Variants in LCN8 observed in about 807,000 individuals in gnomAD.
LCN8 encodes epididymal-specific lipocalin-8.
In LCN8, 16 loss-of-function variants were observed where a neutral mutation model predicts 22.8. The observed-to-expected ratio is 0.70, with a 90% confidence interval of 0.47 to 1.06. The LOEUF (loss-of-function observed/expected upper bound fraction) is 1.06, where lower values mean the gene tolerates loss of function less well. Ranked by LOEUF, LCN8 falls within the 50% of genes least tolerant of loss-of-function variation. The pLI is 0.00. For missense variants in LCN8, 189 were observed against 203.3 expected (o/e 0.93, Z 0.43); for synonymous variants, 92 against 83.4 (o/e 1.10, Z -0.56).
chr9:136,754,596 T>C (rs1412269264), intron 6 of LCN8, 87 bp from the exon 7 acceptor site: 2 of 1,504,468 alleles, frequency 1.3e-6, no homozygotes, highest in Non-Finnish European at 1.8e-6. Flanking sequence ...GCGGGACTTC[T>C]GTCCTCGCTG....
chr9:136,755,086 C>T lies in LCN8; in HGVS notation c.447+49G>A, dbSNP rs542199747. The T allele has an allele frequency of 7.5e-6, 11 of 1,473,650 alleles. No homozygotes were observed. In the African/African-American group the frequency reaches 1.1e-4, roughly 15 times the overall value. 91.3% of individuals were successfully genotyped at this position (1,473,650 alleles called of 1,614,324 possible). A position where few individuals can be genotyped will look rare whatever the true frequency, so the allele number is the denominator to read the frequency against. On this transcript the variant is annotated intron_variant, in intron 6 of 6. Coordinates refer to ENST00000371688, the MANE Select transcript of LCN8 (RefSeq NM_178469.4). ...CTCCTGACAGGGCCAGGGACTGGGC[C>T]AGGGGCCCGGGAACTTCAGCACAGG...
intron 6 of LCN8, 27 bp downstream of exon 6, chr9:136,755,108 C>T (rs1487454664): frequency 6.6e-7 from 1 of 1,514,280 alleles, no homozygotes. Flanking sequence ...AACTTCAGCA[C>T]AGGCCAGGGT....
rs749556898 is a variant in LCN8, at chr9:136,755,911, G to C, written c.227-395C>G. 1.1e-5 allele frequency: 14 copies of C among 1,297,188 alleles called. No individual in the cohort carries two copies. In the African/African-American group the frequency reaches 1.8e-4, roughly 17 times the overall value. The allele number at this position is 1,297,188 out of a possible 1,614,324, so 80.4% of individuals were successfully genotyped here. A position where few individuals can be genotyped will look rare whatever the true frequency, so the allele number is the denominator to read the frequency against. ...AGTGCAGGGAGCAGTGCGGGGAACA[G>C]TGCAGGGAGCATTGCAGGGAACAGC... On this transcript the variant is annotated intron_variant, in intron 3 of 6. Transcript: ENST00000371688.
chr9:136,757,259 G>C, intron 1 of LCN8, 91 bp from the exon 2 acceptor site: 1 of 1,530,364 alleles, frequency 6.5e-7, no homozygotes, highest in East Asian at 2.4e-5. Context: ...GGCCTGCTGG[G>C]CTCTGAGAGG....
At chr9:136,756,966 G>T in intron 2 of LCN8, 72 bp downstream of exon 2, 1 of 1,513,344 alleles carries the variant, frequency 6.6e-7, no homozygotes, top group Non-Finnish European at 9.0e-7. Flanking sequence ...ACGCTGCAGC[G>T]GGTGCAGCAA....
At chr9:136,755,890 C>G (rs1847179356) in intron 3 of LCN8, 1 of 1,291,142 alleles carries the variant, frequency 7.7e-7, no homozygotes, top group Non-Finnish European at 1.0e-6. Flanking sequence ...GGGAATAGTG[C>G]AGGGAGCAGT....
At chr9:136,757,439 T>C in intron 1 of LCN8, 1 of 1,374,864 alleles carries the variant, frequency 7.3e-7, no homozygotes, top group Non-Finnish European at 9.4e-7. Context: ...CCCTAGGGCT[T>C]CTGCGACATG....
At chr9:136,757,396 T>C in intron 1 of LCN8, 1 of 1,419,074 alleles carries the variant, frequency 7.0e-7, no homozygotes, top group African/African-American at 1.4e-5. Flanking sequence ...GGGCAGCCCC[T>C]CCCCACTGGG....
intron 6 of LCN8, chr9:136,754,778 C>A (rs915245998): frequency 6.0e-5 from 83 of 1,374,214 alleles, no homozygotes; most frequent in Non-Finnish European, 7.5e-5. Flanking sequence ...TGCCCCGCCG[C>A]CGACGGGACC....
intron 3 of LCN8, 198 bp from the exon 4 acceptor site, chr9:136,755,714 G>A (rs1847168718): frequency 6.6e-7 from 1 of 1,521,274 alleles, no homozygotes; most frequent in Non-Finnish European, 8.8e-7. Context: ...AAATGTGCAG[G>A]GAACAGCATG....
Position 136,754,430 on chromosome 9 carries a change from G to A in LCN8, c.*68C>T. Reference sequence around the variant, plus strand: ...AGAGCAGGTGCAGGTGACCTGGTGGGCAGGGTGCCCAGGAGGGGCAGGGGT... The same window carrying A: ...AGAGCAGGTGCAGGTGACCTGGTGGACAGGGTGCCCAGGAGGGGCAGGGGT... On this transcript the variant is annotated 3_prime_UTR_variant, in exon 7 of 7. Coordinates refer to ENST00000371688, the MANE Select transcript of LCN8 (RefSeq NM_178469.4). 1 of 1,546,670 alleles carries A rather than the reference G, an allele frequency of 6.5e-7. No individual in the cohort carries two copies. Among genetic ancestry groups the A allele is most frequent in the Non-Finnish European group, 8.7e-7 (1 of 1,145,968 alleles).
At chr9:136,754,721 T>C in intron 6 of LCN8, 3 of 1,407,266 alleles carry the variant, frequency 2.1e-6, no homozygotes, top group Non-Finnish European at 2.8e-6. Context: ...CACTGGGTTC[T>C]CGCAGTGCCC....
At chr9:136,757,330 C>T in intron 1 of LCN8, 162 bp from the exon 2 acceptor site, 3 of 1,452,292 alleles carry the variant, frequency 2.1e-6, no homozygotes, top group Non-Finnish European at 2.7e-6. Flanking sequence ...CCCACTGTCC[C>T]CAGGCATGTG....
chr9:136,758,231 AGCGGTGGACGCTGCTGG>A (rs1847255769), exon 1 of LCN8: 1 of 1,325,072 alleles, frequency 7.5e-7, no homozygotes, highest in African/African-American at 1.5e-5. Flanking sequence ...GCATATGGAC[AGCGGTGGACGCTGCTGG>A]GGCCGTCTCG....
chr9:136,758,125 T>C lies in LCN8; in HGVS notation c.-195A>G. The C allele has an allele frequency of 6.9e-7, 1 of 1,452,700 alleles. No homozygotes were observed. Among genetic ancestry groups the C allele is most frequent in the Non-Finnish European group, 9.1e-7 (1 of 1,101,736 alleles). 90.0% of individuals were successfully genotyped at this position (1,452,700 alleles called of 1,614,324 possible). A position where few individuals can be genotyped will look rare whatever the true frequency, so the allele number is the denominator to read the frequency against. ...CTTGGCTGCTGGCAGCTCAGAGACG[T>C]GGGTTTCTGCACAAGCGCCATCGGC... On this transcript the variant is annotated 5_prime_UTR_variant, in exon 1 of 7. Coordinates refer to ENST00000371688, the MANE Select transcript of LCN8 (RefSeq NM_178469.4).
rs1456035974 is a variant in LCN8, at chr9:136,755,267, C to T, written c.398G>A (p.Gly133Asp). 3.1e-6 allele frequency: 5 copies of T among 1,612,270 alleles called. No homozygotes were observed. Among genetic ancestry groups the T allele is most frequent in the Non-Finnish European group, 4.2e-6 (5 of 1,179,994 alleles). Residue 133 changes from glycine (G) to aspartate (D), a missense_variant, in exon 5 of 7, where the codon GGT (glycine) becomes GAT (aspartate). Gly to Asp is a moderately conservative substitution (Grantham distance 94). Transcript: ENST00000371688. Reference protein sequence around the residue: ...WKFRELTADTGLYLAARPGRC... With the variant: ...WKFRELTADTDLYLAARPGRC... ...ACCAGGCCGGGCCGCCAGGTAGAGA[C>T]CAGTGTCTGCTGTCAGCTCCCGAAA...
chr9:136,756,663 T>C, intron 2 of LCN8, 71 bp from the exon 3 acceptor site: 1 of 1,583,250 alleles, frequency 6.3e-7, no homozygotes, highest in East Asian at 2.2e-5. Context: ...CTTCCCGGAG[T>C]GGGGCTGTGT....
At position 136,758,214 on chromosome 9, in the gene LCN8, C is replaced by A; in HGVS notation, c.-284G>T. The A allele has an allele frequency of 7.2e-7, 1 of 1,379,390 alleles. No individual in the cohort carries two copies. 85.4% of individuals were successfully genotyped at this position (1,379,390 alleles called of 1,614,324 possible). ...CCTAGACAGCAGCCTGCCCAGCCAC[C>A]CTCCTGGCATATGGACAGCGGTGGA... is the stretch of plus-strand genomic sequence containing the variant. On this transcript the variant is annotated 5_prime_UTR_variant, in exon 1 of 7. Transcript: ENST00000371688.
At chr9:136,754,608 C>T in intron 6 of LCN8, 99 bp from the exon 7 acceptor site, 1 of 1,493,940 alleles carries the variant, frequency 6.7e-7, no homozygotes, top group Non-Finnish European at 8.9e-7. Context: ...TCCTCGCTGC[C>T]TGGTTTTGCG....
Sources: gnomAD v4.1 joint callset for allele counts on GRCh38, gnomAD v4.1.1 for gene constraint, MANE v1.5 for transcripts, NCBI Gene and HGNC (gene_info 2026-07-23, HGNC 2026-07-21) for gene names.